The following C1QL4 variants were observed in gnomAD, a reference collection of about 807,000 sequenced individuals.
C1QL4 encodes the protein complement C1q like 4, also known as complement C1q-like protein 4.
Under a neutral mutation model 13.4 loss-of-function variants are expected in C1QL4, and 5 were observed. The observed-to-expected ratio is 0.37, with a 90% CI of 0.19 to 0.78. The LOEUF (loss-of-function observed/expected upper bound fraction) is 0.78, where lower values mean the gene tolerates loss of function less well. C1QL4 is among the 30% of genes least tolerant of loss of function. C1QL4 has a pLI of 0.47. For synonymous variants in C1QL4, 168 were observed against 153.9 expected (o/e 1.09, Z -0.68); for missense variants, 367 against 361.6 (o/e 1.01, Z -0.12).
rs1211127146 is a variant in C1QL4, at chr12:49,336,650, G to GC, written c.-174dup. On this transcript the variant is annotated 5_prime_UTR_variant, in exon 1 of 2. Coordinates refer to ENST00000334221, the MANE Select transcript of C1QL4 (RefSeq NM_001008223.2). This position sits in a 1 kb window ranked among gnomAD's most constrained non-coding sequence, Gnocchi z 7.7. ...CTGGGTCTGCACTCCCCCGACGGCT[G>GC]CCCCCCGCTCCCCTTACCCTGCCTC... is the stretch of plus-strand genomic sequence containing the variant. 7 of 711,170 alleles carry GC rather than the reference G, an allele frequency of 9.8e-6. No individual in the cohort carries two copies. The highest frequency in any genetic ancestry group is 1.5e-5 in the Non-Finnish European group (7 of 479,994). 44.1% of individuals were successfully genotyped at this position (711,170 alleles called of 1,614,324 possible). A position where few individuals can be genotyped will look rare whatever the true frequency, so the allele number is the denominator to read the frequency against.
In C1QL4 at chr12:49,336,058, C is replaced by G; in HGVS notation, c.420G>C (p.Glu140Asp). Reference protein sequence around the residue: ...DVVTNVGNAYEAASGKFTCPM... With the variant: ...DVVTNVGNAYDAASGKFTCPM... ...GGCAAGTAAACTTGCCGCTGGCTGC[C>G]TCGTAGGCGTTGCCCACGTTGGTCA... The change falls in exon 1 of 2, where the codon GAG (glutamate) becomes GAC (aspartate). Residue 140 changes from glutamate (E) to aspartate (D), a missense_variant. Transcript: ENST00000334221. This position sits in a 1 kb window ranked among gnomAD's most constrained non-coding sequence, Gnocchi z 7.7. 6.2e-7 allele frequency: 1 copy of G among 1,612,354 alleles called. No individual in the cohort carries two copies. The highest frequency in any genetic ancestry group is 8.5e-7 in the Non-Finnish European group (1 of 1,179,948).
chr12:49,334,084 C>T (rs547928657), intron 1 of C1QL4, among the ~76,000 whole-genome samples: 17 of 151,616 alleles, frequency 1.1e-4, no homozygotes, highest in African/African-American at 3.6e-4. Context: ...TCCCAGCTAC[C>T]CGGGAGGCCG....
intron 1 of C1QL4, among the ~76,000 whole-genome samples, chr12:49,334,349 G>A (rs1012739596): frequency 3.9e-5 from 6 of 152,178 alleles, no homozygotes; most frequent in African/African-American, 1.4e-4. Flanking sequence ...GCCATGATAA[G>A]GTGCACTGTT....
Position 49,333,105 on chromosome 12 carries a change from G to A in C1QL4, c.666C>T (p.Gly222=). ...IKLDGGKVHG[G]NTNKYSTFSG... ...AGAAGGTGCTGTACTTGTTGGTGTTGCCGCCGTGCACTTTCCCGCCGTCCA... is the reference window on the plus strand; with the variant it reads ...AGAAGGTGCTGTACTTGTTGGTGTTACCGCCGTGCACTTTCCCGCCGTCCA... The change falls in exon 2 of 2, where the codon GGC becomes GGT. Residue 222 remains glycine, a synonymous_variant. Transcript: ENST00000334221. 1 of 1,614,106 alleles carries A rather than the reference G, an allele frequency of 6.2e-7. No individual in the cohort carries two copies. Among genetic ancestry groups the A allele is most frequent in the Non-Finnish European group, 8.5e-7 (1 of 1,179,974 alleles).
In C1QL4 at chr12:49,333,189, G is replaced by C. The variant is rs375125890; in HGVS notation, c.582C>G (p.Asp194Glu). Residue 194 changes from aspartate to glutamate, a missense_variant, in exon 2 of 2, where the codon GAC (aspartate) becomes GAG (glutamate). By Grantham distance (45) the Asp-to-Glu change is conservative. Coordinates refer to ENST00000334221, the MANE Select transcript of C1QL4 (RefSeq NM_001008223.2). ...AIAQDADQNY[D>E]YASNSVILHL... is the part of the protein sequence containing the mutation. ...GCAGAATGACGCTGTTGCTGGCGTA[G>C]TCGTAGTTCTGGTCCGCGTCCTGAG... is the stretch of plus-strand genomic sequence containing the variant. 1.9e-6 allele frequency: 3 copies of C among 1,614,018 alleles called. No homozygotes were observed. The African/African-American group carries it at 4.0e-5, about 22-fold the overall frequency.
In C1QL4 at chr12:49,336,197, C is replaced by T; in HGVS notation, c.281G>A (p.Gly94Asp). Residue 94 changes from glycine to aspartate, a missense_variant, in exon 1 of 2, where the codon GGT (glycine) becomes GAT (aspartate). Coordinates refer to ENST00000334221, the MANE Select transcript of C1QL4 (RefSeq NM_001008223.2). The surrounding 1 kb of genome is among the most constrained non-coding windows in gnomAD (Gnocchi z 7.7). ...GGGCGCCACCCCGCCCGGACCTGGACCGGGAGGGCCCGGGGGGCCTGGCCT... is the reference window on the plus strand; with the variant it reads ...GGGCGCCACCCCGCCCGGACCTGGATCGGGAGGGCCCGGGGGGCCTGGCCT... ...PGRPGPPGPPGPGPGGVAPAA... is the reference protein window; with the variant it reads ...PGRPGPPGPPDPGPGGVAPAA... 2 of 1,560,152 alleles carry T rather than the reference C, an allele frequency of 1.3e-6. No homozygotes were observed. The highest frequency in any genetic ancestry group is 1.7e-6 in the Non-Finnish European group (2 of 1,154,236).
At chr12:49,333,999 G>T (rs1943612195) in intron 1 of C1QL4, among the ~76,000 whole-genome samples, 2 of 151,530 alleles carry the variant, frequency 1.3e-5, no homozygotes, top group Non-Finnish European at 2.9e-5. Context: ...TTCGAGACCG[G>T]CCTGACTAAC....
At chr12:49,334,814 C>T (rs529570730) in intron 1 of C1QL4, among the ~76,000 whole-genome samples, 31 of 152,288 alleles carry the variant, frequency 2.0e-4, no homozygotes, top group African/African-American at 4.3e-4. Context: ...TCCATGAGGA[C>T]GCACACTCAC....
chr12:49,335,795 A>T, intron 1 of C1QL4, 146 bp downstream of exon 1: 1 of 1,003,454 alleles, frequency 1.0e-6, no homozygotes, highest in Non-Finnish European at 1.5e-6. Flanking sequence ...CTCTGTGGGT[A>T]AATGAAGTCA....
chr12:49,336,619 TTGGG>T lies in C1QL4; in HGVS notation c.-146_-143del. The T allele has an allele frequency of 2.0e-6, 2 of 1,006,974 alleles. No individual in the cohort carries two copies. The highest frequency in any genetic ancestry group is 3.3e-5 in the East Asian group (1 of 30,578). 62.4% of individuals were successfully genotyped at this position (1,006,974 alleles called of 1,614,324 possible). A position where few individuals can be genotyped will look rare whatever the true frequency, so the allele number is the denominator to read the frequency against. The stretch of plus-strand genomic sequence containing the variant: ...GCGGGCCAGGAGGCGGTGACCCGCC[TTGGG>T]CCTGGGTCTGCACTCCCCCGACGGC... On this transcript the variant is annotated 5_prime_UTR_variant, in exon 1 of 2. Transcript: ENST00000334221. The surrounding 1 kb of genome is among the most constrained non-coding windows in gnomAD (Gnocchi z 7.7).
Position 49,336,070 on chromosome 12 carries a change from G to T in C1QL4, c.408C>A (p.Gly136=). Residue 136 remains glycine (G), a synonymous_variant, in exon 1 of 2, where the codon GGC becomes GGA. Transcript: ENST00000334221. This position sits in a 1 kb window ranked among gnomAD's most constrained non-coding sequence, Gnocchi z 7.7. ...LRFDDVVTNV[G]NAYEAASGKF... ...TGCCGCTGGCTGCCTCGTAGGCGTT[G>T]CCCACGTTGGTCACCACGTCGTCGA... 1 of 1,612,350 alleles carries T rather than the reference G, an allele frequency of 6.2e-7. No individual in the cohort carries two copies.
At chr12:49,333,362 A>G (rs533992419) in intron 1 of C1QL4, 129 bp from the exon 2 acceptor site, 4 of 900,558 alleles carry the variant, frequency 4.4e-6, no homozygotes, top group East Asian at 5.4e-5. Flanking sequence ...GGAGGAGGGT[A>G]GGACATCACG....
At position 49,335,977 on chromosome 12, in the gene C1QL4, G is replaced by A. The variant is rs781782305; in HGVS notation, c.501C>T (p.Gly167=). 26 of 1,608,024 alleles carry A rather than the reference G, an allele frequency of 1.6e-5. No individual in the cohort carries two copies. The South Asian group carries it at 2.7e-4, about 16-fold the overall frequency. Residue 167 remains glycine (G), a synonymous_variant, in exon 1 of 2, where the codon GGC becomes GGT. Coordinates refer to ENST00000334221, the MANE Select transcript of C1QL4 (RefSeq NM_001008223.2). ...AYHVLMRGGD[G]TSMWADLMKN... ...TCATGAGGTCGGCCCACATGCTGGT[G>A]CCGTCGCCGCCGCGCATGAGCACGT...
intron 1 of C1QL4, 142 bp downstream of exon 1, chr12:49,335,799 G>T (rs933703028): frequency 1.9e-6 from 2 of 1,040,500 alleles, no homozygotes; most frequent in Non-Finnish European, 2.8e-6. Context: ...GTGGGTAAAT[G>T]AAGTCATCTA....
In C1QL4 at chr12:49,333,173, C is replaced by T. The variant is rs1192339094; in HGVS notation, c.598G>A (p.Val200Ile). Reference sequence around the variant, plus strand: ...TCGCCCACGTCCAGGTGCAGAATGACGCTGTTGCTGGCGTAGTCGTAGTTC... The same window carrying T: ...TCGCCCACGTCCAGGTGCAGAATGATGCTGTTGCTGGCGTAGTCGTAGTTC... ...DQNYDYASNS[V>I]ILHLDVGDEV... The change falls in exon 2 of 2, where the codon GTC becomes ATC. Residue 200 changes from valine (V) to isoleucine (I), a missense_variant. Transcript: ENST00000334221. The T allele has an allele frequency of 1.2e-6, 2 of 1,614,032 alleles. No homozygotes were observed. Among genetic ancestry groups the T allele is most frequent in the Non-Finnish European group, 1.7e-6 (2 of 1,180,018 alleles).
At position 49,336,225 on chromosome 12, in the gene C1QL4, C is replaced by A. The variant is rs1162156820; in HGVS notation, c.253G>T (p.Gly85Cys). The A allele has an allele frequency of 6.7e-7, 1 of 1,495,234 alleles. No individual in the cohort carries two copies. Among genetic ancestry groups the A allele is most frequent in the Non-Finnish European group, 8.9e-7 (1 of 1,126,042 alleles). 92.6% of individuals were successfully genotyped at this position (1,495,234 alleles called of 1,614,324 possible). ...PGPRGPPGEPGRPGPPGPPGP... is the reference protein window; with the variant it reads ...PGPRGPPGEPCRPGPPGPPGP... Reference sequence around the variant, plus strand: ...GGAGGGCCCGGGGGGCCTGGCCTGCCGGGTTCTCCTGGGGGCCCTCTTGGA... The same window carrying A: ...GGAGGGCCCGGGGGGCCTGGCCTGCAGGGTTCTCCTGGGGGCCCTCTTGGA... The change falls in exon 1 of 2, where the codon GGC (glycine) becomes TGC (cysteine). Residue 85 changes from glycine (G) to cysteine (C), a missense_variant. Transcript: ENST00000334221. This position sits in a 1 kb window ranked among gnomAD's most constrained non-coding sequence, Gnocchi z 7.7.
Position 49,333,233 on chromosome 12 carries a change from C to T in C1QL4, c.538G>A (p.Val180Ile), listed in dbSNP as rs752884844. The change falls in exon 2 of 2, where the codon GTC becomes ATC. Residue 180 changes from valine (V) to isoleucine (I), a missense_variant and splice_region_variant. Val to Ile is a conservative substitution (Grantham distance 29). Coordinates refer to ENST00000334221, the MANE Select transcript of C1QL4 (RefSeq NM_001008223.2). ...TCCTGAGCAATGGCGCTGGCCCGGA[C>T]CTATCGAGGGAGAAGAACCTGCTCA... ...MWADLMKNGQ[V>I]RASAIAQDAD... The T allele has an allele frequency of 6.2e-7, 1 of 1,613,298 alleles. No individual in the cohort carries two copies. Among genetic ancestry groups the T allele is most frequent in the East Asian group, 2.2e-5 (1 of 44,862 alleles).
chr12:49,333,307 T>G, intron 1 of C1QL4, 74 bp from the exon 2 acceptor site: 2 of 1,486,714 alleles, frequency 1.3e-6, no homozygotes, highest in Non-Finnish European at 1.8e-6. Flanking sequence ...CGGCTGGGCG[T>G]GCGAAGGCGG....
intron 1 of C1QL4, among the ~76,000 whole-genome samples, chr12:49,334,569 C>T (rs150943630): frequency 2.0e-5 from 3 of 152,138 alleles, no homozygotes; most frequent in Non-Finnish European, 2.9e-5. Context: ...CACTATTTAC[C>T]GTCCCCAGGG....
Sources: gnomAD v4.1 joint callset for allele counts (sites outside exome capture counted in the v4.1 genomes callset) on GRCh38, gnomAD v4.1.1 for gene constraint, Gnocchi (gnomAD v3.1) non-coding constraint, MANE v1.5 for transcripts, NCBI Gene and HGNC (gene_info 2026-07-23, HGNC 2026-07-21) for gene names.